ATP2B2: variants seen among roughly 807,000 people sequenced by gnomAD.
ATP2B2 encodes ATPase plasma membrane Ca2+ transporting 2, also known as plasma membrane calcium-transporting ATPase 2.
ATP2B2 carries 15 observed loss-of-function variants against 120.0 expected under a neutral mutation model. The ratio of observed to expected loss-of-function variants is 0.12; its 90% confidence interval spans 0.08 to 0.19. The LOEUF (loss-of-function observed/expected upper bound fraction) is 0.19, where lower values mean the gene tolerates loss of function less well. Ranked by LOEUF, ATP2B2 falls within the 10% of genes least tolerant of loss-of-function variation. ATP2B2 has a pLI of 1.00. For missense variants in ATP2B2, 1,045 were observed against 1,719.8 expected (o/e 0.61, Z 6.94); for synonymous variants, 694 against 700.3 (o/e 0.99, Z 0.14).
intron 1 of ATP2B2, among the ~76,000 whole-genome samples, chr3:10,493,670 C>T (rs940006034): frequency 6.6e-6 from 1 of 152,168 alleles, no homozygotes; most frequent in Non-Finnish European, 1.5e-5. Context: ...GTAGGGAAGG[C>T]CCCTCCCTTC....
intron 2 of ATP2B2, among the ~76,000 whole-genome samples, chr3:10,581,689 G>C (rs1198318256): frequency 6.6e-6 from 1 of 152,160 alleles, no homozygotes; most frequent in Non-Finnish European, 1.5e-5. Context: ...GGGCTGGTTA[G>C]AAACAAGGTC....
At chr3:10,532,534 G>A (rs2067232547) in intron 3 of ATP2B2, among the ~76,000 whole-genome samples, 1 of 152,188 alleles carries the variant, frequency 6.6e-6, no homozygotes, top group Non-Finnish European at 1.5e-5. Flanking sequence ...CTTGTGGATG[G>A]CTCTCCTCAA....
chr3:10,579,534 C>A (rs1207257832), intron 2 of ATP2B2, among the ~76,000 whole-genome samples: 2 of 152,200 alleles, frequency 1.3e-5, no homozygotes, highest in Admixed American at 1.3e-4. Context: ...ATTAGCTGGG[C>A]ATGGTGGTGC....
chr3:10,436,006 A>G (rs1389596045), intron 2 of ATP2B2, among the ~76,000 whole-genome samples: 2 of 152,162 alleles, frequency 1.3e-5, no homozygotes, highest in African/African-American at 4.8e-5. Flanking sequence ...CTTGGTGACG[A>G]TCAGTCAAAG....
At chr3:10,452,578 A>G (rs2064099332) in intron 1 of ATP2B2, among the ~76,000 whole-genome samples, 1 of 152,350 alleles carries the variant, frequency 6.6e-6, no homozygotes, top group South Asian at 2.1e-4. Flanking sequence ...AGACAAGGAT[A>G]GAGTGAGGCA....
chr3:10,610,394 A>T (rs2069200818), intron 2 of ATP2B2, among the ~76,000 whole-genome samples: 1 of 151,954 alleles, frequency 6.6e-6, no homozygotes, highest in East Asian at 1.9e-4. Context: ...CCTTTCAAAT[A>T]CACGTGTGCC....
intron 12 of ATP2B2, among the ~76,000 whole-genome samples, chr3:10,370,179 T>G (rs2061184066): frequency 6.6e-6 from 1 of 152,242 alleles, no homozygotes; most frequent in African/African-American, 2.4e-5. Context: ...GACTCATCAC[T>G]GTGGAGAGGT....
At chr3:10,376,889 T>C (rs1293934133) in intron 10 of ATP2B2, among the ~76,000 whole-genome samples, 1 of 152,082 alleles carries the variant, frequency 6.6e-6, no homozygotes, top group Non-Finnish European at 1.5e-5. Flanking sequence ...AGAGCTCCCA[T>C]GGGATCGGGA....
At chr3:10,529,982 C>G (rs746192812) in intron 3 of ATP2B2, among the ~76,000 whole-genome samples, 1 of 152,182 alleles carries the variant, frequency 6.6e-6, no homozygotes, top group Non-Finnish European at 1.5e-5. Flanking sequence ...TCCCCATCCT[C>G]GGAAGGAACC....
chr3:10,665,850 G>A (rs574850614), intron 1 of ATP2B2, among the ~76,000 whole-genome samples: 2 of 152,204 alleles, frequency 1.3e-5, no homozygotes, highest in East Asian at 3.9e-4. Context: ...ATCACAGAAG[G>A]AAAAAGAGAC....
chr3:10,560,859 T>A (rs1423918109), intron 2 of ATP2B2, among the ~76,000 whole-genome samples: 1 of 152,048 alleles, frequency 6.6e-6, no homozygotes, highest in Non-Finnish European at 1.5e-5. Context: ...CACAGCACCA[T>A]CTCTTGTTCT....
chr3:10,525,825 A>G, intron 3 of ATP2B2, among the ~76,000 whole-genome samples: 1 of 144,888 alleles, frequency 6.9e-6, no homozygotes, highest in East Asian at 2.0e-4. Context: ...TGCCTCAATT[A>G]AAAAAAAAAA....
rs2060438391 is a variant in ATP2B2, at chr3:10,346,570, T to G, written c.2405-433A>C. ...ACTTTCTCCCTGGGGAGTCCAGGCTTGCTGAGGAGGCCTTGGCTTTGTCAT... is the reference window on the plus strand; with the variant it reads ...ACTTTCTCCCTGGGGAGTCCAGGCTGGCTGAGGAGGCCTTGGCTTTGTCAT... On this transcript the variant is annotated intron_variant, in intron 16 of 22. Transcript: ENST00000360273. This position sits in a 1 kb window ranked among gnomAD's most constrained non-coding sequence, Gnocchi z 4.1. Among the ~76,000 whole-genome samples, 3 of 152,240 alleles carry G rather than the reference T, an allele frequency of 2.0e-5. No individual in the cohort carries two copies. The South Asian group carries it at 6.2e-4, about 32-fold the overall frequency.
At chr3:10,575,588 G>A (rs2068225904) in intron 2 of ATP2B2, among the ~76,000 whole-genome samples, 1 of 152,188 alleles carries the variant, frequency 6.6e-6, no homozygotes, top group Non-Finnish European at 1.5e-5. Flanking sequence ...TCTTGAGCAG[G>A]GGCAGTGATA....
At chr3:10,404,186 C>T (rs2062331520) in intron 3 of ATP2B2, among the ~76,000 whole-genome samples, 1 of 152,216 alleles carries the variant, frequency 6.6e-6, no homozygotes, top group African/African-American at 2.4e-5. Context: ...CTGCATGCAC[C>T]CCTGGAAAAT....
intron 1 of ATP2B2, among the ~76,000 whole-genome samples, chr3:10,623,012 T>C (rs1302507081): frequency 9.3e-5 from 14 of 151,136 alleles, no homozygotes; most frequent in African/African-American, 3.4e-4. Context: ...AAGGAAAGGA[T>C]GTATGGAAAA....
At chr3:10,334,610 A>C (rs958089040) in intron 22 of ATP2B2, among the ~76,000 whole-genome samples, 4 of 152,134 alleles carry the variant, frequency 2.6e-5, no homozygotes, top group African/African-American at 9.7e-5. Flanking sequence ...TCTCCATTTC[A>C]TCTTGGCTCC....
At chr3:10,386,409 G>C (rs887048613) in intron 7 of ATP2B2, 71 bp downstream of exon 7, 1 of 1,543,288 alleles carries the variant, frequency 6.5e-7, no homozygotes, top group Admixed American at 1.7e-5. Context: ...GTGGTCTAGG[G>C]GCAGGGCCCA....
At chr3:10,476,483 G>A (rs1466607949) in intron 1 of ATP2B2, among the ~76,000 whole-genome samples, 3 of 152,250 alleles carry the variant, frequency 2.0e-5, no homozygotes, top group Non-Finnish European at 4.4e-5. Flanking sequence ...CGTGGGGATG[G>A]TTAGAGAGAG....
Sources: gnomAD v4.1 joint callset for allele counts (sites outside exome capture counted in the v4.1 genomes callset) on GRCh38, gnomAD v4.1.1 for gene constraint, Gnocchi (gnomAD v3.1) non-coding constraint, MANE v1.5 for transcripts, NCBI Gene and HGNC (gene_info 2026-07-23, HGNC 2026-07-21) for gene names.